Variants in EMID1 observed in about 807,000 individuals in gnomAD.
EMID1 encodes EMI domain-containing protein 1.
Under a neutral mutation model 60.6 loss-of-function variants are expected in EMID1, and 40 were observed. That is an observed-to-expected ratio of 0.66 (90% CI 0.51 to 0.86). The LOEUF is 0.86. Ranked by LOEUF, EMID1 falls within the 40% of genes least tolerant of loss-of-function variation. The probability of loss-of-function intolerance (pLI) is 0.00; values close to 1 mark genes in which losing one functional copy is unlikely to be tolerated. For synonymous variants in EMID1, 242 were observed against 231.0 expected (o/e 1.05, Z -0.43); for missense variants, 585 against 597.1 (o/e 0.98, Z 0.21).
chr22:29,207,081 G>A (rs549446287), intron 1 of EMID1, among the ~76,000 whole-genome samples: 8 of 152,286 alleles, frequency 5.3e-5, no homozygotes, highest in East Asian at 1.9e-4. Context: ...AGGCCTGCGC[G>A]GCCCCCACCC....
In EMID1 at chr22:29,232,651, C is replaced by T. The variant is rs2040796031; in HGVS notation, c.823+249C>T. The T allele has an allele frequency of 8.3e-6, 4 of 483,872 alleles. No homozygotes were observed. In the Admixed American group the frequency reaches 1.1e-4, roughly 14 times the overall value. The allele number at this position is 483,872 out of a possible 1,614,324, so 30.0% of individuals were successfully genotyped here. On this transcript the variant is annotated intron_variant, in intron 8 of 14. Transcript: ENST00000334018. ...GTAGGGGAACGGCTTCAAACCCAGG[C>T]TGCCTCCAGAACCTGTGCTTAGAGC...
At chr22:29,234,861 CTT>C (rs550619441) in intron 12 of EMID1, among the ~76,000 whole-genome samples, 1 of 147,042 alleles carries the variant, frequency 6.8e-6, no homozygotes. Flanking sequence ...TTTTTTTATC[CTT>C]TTTTTTTTCA....
chr22:29,249,071 T>A (rs2041429565), intron 13 of EMID1, among the ~76,000 whole-genome samples: 2 of 152,150 alleles, frequency 1.3e-5, no homozygotes, highest in Non-Finnish European at 2.9e-5. Context: ...CAGCCACGTT[T>A]CCCCTAACAT....
chr22:29,226,371 G>C lies in EMID1; in HGVS notation c.404-119G>C, dbSNP rs537812083. On this transcript the variant is annotated intron_variant, in intron 4 of 14. Transcript: ENST00000334018. ...GCCCTTCCCAAGCCTAAGGTCCCTC[G>C]TGGGTTGGGGTCATCAGGTATCTGA... 8.1e-6 allele frequency: 9 copies of C among 1,115,856 alleles called. 1 individual carries two copies. The South Asian group carries it at 9.2e-5, about 11-fold the overall frequency. The allele number at this position is 1,115,856 out of a possible 1,614,324, so 69.1% of individuals were successfully genotyped here.
chr22:29,229,437 A>G (rs1256011056), intron 5 of EMID1, among the ~76,000 whole-genome samples: 1 of 152,132 alleles, frequency 6.6e-6, no homozygotes, highest in Non-Finnish European at 1.5e-5. Context: ...TGAGGTCAGG[A>G]GTTCGAGACC....
intron 1 of EMID1, among the ~76,000 whole-genome samples, chr22:29,208,799 G>T (rs1050513669): frequency 6.6e-6 from 1 of 152,234 alleles, no homozygotes; most frequent in African/African-American, 2.4e-5. Flanking sequence ...GGACCAAGCT[G>T]CTGGGTGTGG....
chr22:29,228,048 C>T (rs529857430), intron 5 of EMID1, among the ~76,000 whole-genome samples: 16 of 150,622 alleles, frequency 1.1e-4, no homozygotes, highest in African/African-American at 3.7e-4. Context: ...CCCAGCTACT[C>T]GGGAGGCTGA....
intron 1 of EMID1, among the ~76,000 whole-genome samples, chr22:29,207,639 A>C (rs1438002404): frequency 2.0e-5 from 3 of 152,160 alleles, no homozygotes; most frequent in African/African-American, 7.2e-5. Context: ...GATGGCTATA[A>C]CCAGGTATCT....
chr22:29,223,450 A>G (rs536927209), intron 3 of EMID1, among the ~76,000 whole-genome samples: 6 of 152,216 alleles, frequency 3.9e-5, no homozygotes, highest in Admixed American at 1.3e-4. Flanking sequence ...TCACATCTCC[A>G]CCTGGAAGCA....
chr22:29,243,554 C>G, intron 13 of EMID1, 65 bp downstream of exon 13: 2 of 1,596,438 alleles, frequency 1.3e-6, no homozygotes, highest in South Asian at 2.2e-5. Context: ...AGAGAGTATT[C>G]CCTCCCCAGG....
intron 12 of EMID1, among the ~76,000 whole-genome samples, chr22:29,238,197 T>TC (rs561309706): frequency 1.4e-5 from 2 of 142,376 alleles, no homozygotes; most frequent in East Asian, 4.1e-4. Context: ...AGATATTTTT[T>TC]CCCTCTGTTT....
intron 4 of EMID1, among the ~76,000 whole-genome samples, chr22:29,225,782 G>T (rs952925424): frequency 6.6e-6 from 1 of 152,222 alleles, no homozygotes; most frequent in African/African-American, 2.4e-5. Flanking sequence ...TGACACTCCC[G>T]TGAGGAGGGG....
At chr22:29,213,975 T>C (rs1377471395) in intron 1 of EMID1, among the ~76,000 whole-genome samples, 1 of 152,204 alleles carries the variant, frequency 6.6e-6, no homozygotes, top group Non-Finnish European at 1.5e-5. Context: ...CAAGCCTCAG[T>C]TTCCCCTCTG....
At position 29,215,040 on chromosome 22, in the gene EMID1, G is replaced by C; in HGVS notation, c.215+1G>C. On this transcript the variant is annotated splice_donor_variant, in intron 2 of 14. Transcript: ENST00000334018. LOFTEE classifies it high-confidence loss of function. ...GGCCCATGAGCTGTCCGGGGAGCAG[G>C]TAAATGAGGTGGAGAAGGAACTGAT... 1.3e-6 allele frequency: 2 copies of C among 1,531,112 alleles called. No individual in the cohort carries two copies. Among genetic ancestry groups the C allele is most frequent in the Non-Finnish European group, 1.8e-6 (2 of 1,133,106 alleles). The allele number at this position is 1,531,112 out of a possible 1,614,324, so 94.8% of individuals were successfully genotyped here.
chr22:29,255,521 C>A, intron 14 of EMID1: 1 of 534,932 alleles, frequency 1.9e-6, no homozygotes, highest in South Asian at 3.5e-5. Flanking sequence ...AGAGAGAAGG[C>A]TCTGGTCACT....
intron 13 of EMID1, chr22:29,253,947 C>A: frequency 1.0e-6 from 1 of 985,456 alleles, no homozygotes; most frequent in Non-Finnish European, 1.2e-6. Flanking sequence ...GGATTTGCGG[C>A]CTTGTCAGAG....
chr22:29,248,197 G>A (rs951548121), intron 13 of EMID1, among the ~76,000 whole-genome samples: 1 of 150,764 alleles, frequency 6.6e-6, no homozygotes, highest in African/African-American at 2.4e-5. Flanking sequence ...GACTTCAAGT[G>A]ATCCGCCTGC....
At chr22:29,207,531 C>T (rs980955363) in intron 1 of EMID1, among the ~76,000 whole-genome samples, 15 of 152,268 alleles carry the variant, frequency 9.9e-5, no homozygotes, top group South Asian at 2.1e-4. Context: ...ATGATGGTGG[C>T]GACAGCTTAA....
At chr22:29,207,318 C>T (rs1228028023) in intron 1 of EMID1, among the ~76,000 whole-genome samples, 3 of 152,176 alleles carry the variant, frequency 2.0e-5, no homozygotes, top group South Asian at 4.1e-4. Context: ...TAGCCTGAGT[C>T]GGCTCCGTTA....
Sources: gnomAD v4.1 joint callset for allele counts (sites outside exome capture counted in the v4.1 genomes callset) on GRCh38, gnomAD v4.1.1 for gene constraint, MANE v1.5 for transcripts, NCBI Gene and HGNC (gene_info 2026-07-23, HGNC 2026-07-21) for gene names.